The following REN variants were observed in gnomAD, a reference collection of about 807,000 sequenced individuals.
REN encodes angiotensin-forming enzyme.
In REN, 42 loss-of-function variants were observed where a neutral mutation model predicts 48.6. The observed-to-expected ratio is 0.86, with a 90% CI of 0.68 to 1.12. REN has a LOEUF of 1.12. REN is among the 50% of genes most tolerant of loss of function. The pLI, the probability that REN is intolerant of heterozygous loss-of-function variation, is 0.00. For synonymous variants in REN, 196 were observed against 204.6 expected (o/e 0.96, Z 0.36); for missense variants, 443 against 527.3 (o/e 0.84, Z 1.57).
Position 204,160,555 on chromosome 1 carries a change from C to T in REN, c.492+5G>A. 1.2e-6 allele frequency: 2 copies of T among 1,609,034 alleles called. No homozygotes were observed. Among genetic ancestry groups the T allele is most frequent in the South Asian group, 1.1e-5 (1 of 90,986 alleles). On this transcript the variant is annotated splice_donor_5th_base_variant and intron_variant, in intron 4 of 9. Transcript: ENST00000272190. ...GGGCAGATGACCTAGGGCGGCCCAA[C>T]TTACGGTGATGATGTCCTGGCTGAG... is the stretch of plus-strand genomic sequence containing the variant.
At chr1:204,160,056 C>T (rs1304587439) in intron 4 of REN, among the ~76,000 whole-genome samples, 3 of 152,178 alleles carry the variant, frequency 2.0e-5, no homozygotes, top group African/African-American at 7.2e-5. Flanking sequence ...CACGTGTGCC[C>T]CTCCCCTAAC....
intron 5 of REN, among the ~76,000 whole-genome samples, chr1:204,157,633 G>C (rs1041135356): frequency 3.3e-5 from 5 of 152,208 alleles, no homozygotes; most frequent in Admixed American, 2.0e-4. Flanking sequence ...ACTACTGTAG[G>C]CCTAGTCTCC....
rs1658168397 is a variant in REN at position 204,157,346 on chromosome 1, G to T, written c.698+15C>A. 1.2e-6 allele frequency: 2 copies of T among 1,614,240 alleles called. No individual in the cohort carries two copies. Among genetic ancestry groups the T allele is most frequent in the Non-Finnish European group, 1.7e-6 (2 of 1,180,036 alleles). ...ACTGGAAGGTCACAGCCATGTGGGG[G>T]TTTTGTCTCCTTACTCGGAATCTCT... On this transcript the variant is annotated intron_variant, in intron 6 of 9. Coordinates refer to ENST00000272190, the MANE Select transcript of REN (RefSeq NM_000537.4).
Position 204,156,841 on chromosome 1 carries a change from AC to A in REN, c.699-46del. On this transcript the variant is annotated intron_variant, in intron 6 of 9. Transcript: ENST00000272190. The surrounding 1 kb of genome is among the most constrained non-coding windows in gnomAD (Gnocchi z 4.2). The stretch of plus-strand genomic sequence containing the variant: ...CTCTTGGAAACCCATAACCTCCAGG[AC>A]CCAGCAACTCAGGCAATTGGGGAAG... 1 of 1,610,966 alleles carries A rather than the reference AC, an allele frequency of 6.2e-7. No individual in the cohort carries two copies.
Position 204,162,098 on chromosome 1 carries a change from C to T in REN, c.164G>A (p.Arg55Lys). Residue 55 changes from arginine to lysine, a missense_variant, in exon 2 of 10, where the codon AGG (arginine) becomes AAG (lysine). Physicochemically the swap from Arg to Lys is conservative, Grantham distance 26. Transcript: ENST00000272190. ...GGGTTGGCTCCACTCGGGACCAAGCCTGGCCATGTCCACACCTCGTTCCTT... is the reference window on the plus strand; with the variant it reads ...GGGTTGGCTCCACTCGGGACCAAGCTTGGCCATGTCCACACCTCGTTCCTT... ...SLKERGVDMA[R>K]LGPEWSQPMK... 8.1e-6 allele frequency: 13 copies of T among 1,614,154 alleles called. No individual in the cohort carries two copies. The highest frequency in any genetic ancestry group is 1.1e-5 in the Non-Finnish European group (13 of 1,180,026).
intron 5 of REN, among the ~76,000 whole-genome samples, chr1:204,158,411 CTTTTT>C (rs576572389): frequency 0.071 from 6,878 of 97,128 alleles, 148 homozygotes; most frequent in Middle Eastern, 0.15. Context: ...ACCCTTGTGA[CTTTTT>C]TTTTTTTTTT....
intron 5 of REN, among the ~76,000 whole-genome samples, chr1:204,157,709 G>A (rs1658173494): frequency 1.3e-5 from 2 of 152,254 alleles, no homozygotes; most frequent in African/African-American, 4.8e-5. Flanking sequence ...ATGCACATGT[G>A]TGCATGGGTG....
chr1:204,164,492 T>C (rs1010084757), intron 1 of REN, among the ~76,000 whole-genome samples: 1 of 151,582 alleles, frequency 6.6e-6, no homozygotes, highest in African/African-American at 2.4e-5. Flanking sequence ...TGGTCATATC[T>C]GCTGTCCCCA....
rs765518127 is a variant in REN at position 204,161,273 on chromosome 1, T to A, written c.373+19A>T. The A allele has an allele frequency of 5.7e-6, 9 of 1,584,742 alleles. No individual in the cohort carries two copies. The South Asian group carries it at 1.1e-4, about 19-fold the overall frequency. On this transcript the variant is annotated intron_variant, in intron 3 of 9. Transcript: ENST00000272190. ...GGGCAGGGGGATGGAGGAGAGGCAC[T>A]GTGGGTCTTAGGTCTCACCACAGGC...
chr1:204,161,188 C>T, intron 3 of REN, 104 bp downstream of exon 3: 1 of 1,328,100 alleles, frequency 7.5e-7, no homozygotes. Flanking sequence ...GAGGAAGCCA[C>T]TCCCTTGGTG....
chr1:204,161,161 G>A, intron 3 of REN, 131 bp downstream of exon 3: 1 of 1,041,230 alleles, frequency 9.6e-7, no homozygotes, highest in Non-Finnish European at 1.4e-6. Context: ...CTACATGTCA[G>A]TGGGCACAGA....
rs1355821689 is a variant in REN, at chr1:204,155,803, G to A, written c.1059+17C>T. 4 of 1,596,838 alleles carry A rather than the reference G, an allele frequency of 2.5e-6. No individual in the cohort carries two copies. The East Asian group carries it at 6.7e-5, about 27-fold the overall frequency. ...AGCCTTTCTCCCTGCCACCGAGGGG[G>A]CCGACTCGAACCTCACCTGAAATAC... On this transcript the variant is annotated intron_variant, in intron 9 of 9. Transcript: ENST00000272190.
Position 204,154,860 on chromosome 1 carries a change from G to A in REN, c.*156C>T, listed in dbSNP as rs1189467181. ...TTATTCTCTTTGTCCTCAAAGCAGG[G>A]AAGGGCTGGTGCAGGGGTCAGGGCA... On this transcript the variant is annotated 3_prime_UTR_variant, in exon 10 of 10. Transcript: ENST00000272190. The A allele has an allele frequency of 2.5e-6, 2 of 793,216 alleles. No homozygotes were observed. The highest frequency in any genetic ancestry group is 5.3e-5 in the East Asian group (2 of 37,462). 49.1% of individuals were successfully genotyped at this position (793,216 alleles called of 1,614,324 possible). A position where few individuals can be genotyped will look rare whatever the true frequency, so the allele number is the denominator to read the frequency against.
chr1:204,155,132 T>C lies in REN; in HGVS notation c.1105A>G (p.Met369Val). The C allele has an allele frequency of 6.2e-7, 1 of 1,614,236 alleles. No homozygotes were observed. The highest frequency in any genetic ancestry group is 1.3e-5 in the African/African-American group (1 of 75,068). ...GGTCCAGTGGGTGGCGGGATATCCA[T>C]GGCGTGGATGGCCAGTGTGCACAGC... is the stretch of plus-strand genomic sequence containing the variant. ...KKLCTLAIHA[M>V]DIPPPTGPTW... is the part of the protein sequence containing the mutation. The change falls in exon 10 of 10, where the codon ATG becomes GTG. Residue 369 changes from methionine (M) to valine (V), a missense_variant. Coordinates refer to ENST00000272190, the MANE Select transcript of REN (RefSeq NM_000537.4).
intron 5 of REN, 22 bp from the exon 6 acceptor site, chr1:204,157,391 A>G (rs1658169359): frequency 6.2e-7 from 1 of 1,614,270 alleles, no homozygotes; most frequent in Non-Finnish European, 8.5e-7. Flanking sequence ...GAGAGACAGC[A>G]GAAAGGAAGC....
Position 204,157,386 on chromosome 1 carries a change from A to T in REN, c.690-17T>A, listed in dbSNP as rs367581932. 3.7e-6 allele frequency: 6 copies of T among 1,614,214 alleles called. No individual in the cohort carries two copies. Among genetic ancestry groups the T allele is most frequent in the Non-Finnish European group, 5.1e-6 (6 of 1,180,004 alleles). ...TCGGAATCTCTGCAGAGAAAGAGAG[A>T]CAGCAGAAAGGAAGCTTCATTTCAT... On this transcript the variant is annotated splice_polypyrimidine_tract_variant and intron_variant, in intron 5 of 9. Transcript: ENST00000272190.
chr1:204,159,745 A>G (rs1658210919), intron 4 of REN, 150 bp from the exon 5 acceptor site: 1 of 704,144 alleles, frequency 1.4e-6, no homozygotes, highest in Admixed American at 2.0e-5. Context: ...CTGCACGCAC[A>G]CACTCTGTGC....
intron 5 of REN, 102 bp from the exon 6 acceptor site, chr1:204,157,471 C>G: frequency 6.5e-7 from 1 of 1,529,204 alleles, no homozygotes; most frequent in Non-Finnish European, 9.1e-7. Context: ...CTTTGCCCTT[C>G]AGGCAATGGA....
chr1:204,157,590 C>T (rs1658171961), intron 5 of REN, among the ~76,000 whole-genome samples: 1 of 152,206 alleles, frequency 6.6e-6, no homozygotes, highest in Non-Finnish European at 1.5e-5. Context: ...TTCCCCTCAC[C>T]TTCCTTTCCT....
Sources: gnomAD v4.1 joint callset for allele counts (sites outside exome capture counted in the v4.1 genomes callset) on GRCh38, gnomAD v4.1.1 for gene constraint, Gnocchi (gnomAD v3.1) non-coding constraint, MANE v1.5 for transcripts, NCBI Gene and HGNC (gene_info 2026-07-23, HGNC 2026-07-21) for gene names.